The following IMMP2L variants were observed in gnomAD, a reference collection of about 807,000 sequenced individuals.
IMMP2L encodes mitochondrial inner membrane protease subunit 2.
A neutral mutation model predicts 19.3 loss-of-function variants in IMMP2L; 18 were observed. The ratio of observed to expected loss-of-function variants is 0.93; its 90% CI spans 0.64 to 1.38. The LOEUF is 1.38. Ranked by LOEUF, IMMP2L falls within the 40% of genes most tolerant of loss-of-function variation. The pLI, the probability that IMMP2L is intolerant of heterozygous loss-of-function variation, is 0.00. For missense variants in IMMP2L, 233 were observed against 218.2 expected, an observed-to-expected ratio of 1.07 and a Z score of -0.43; for synonymous variants, 76 against 73.0, an observed-to-expected ratio of 1.04 and a Z score of -0.21.
intron 3 of IMMP2L, among the ~76,000 whole-genome samples, chr7:111,260,665 C>A (rs1045502702): frequency 2.6e-5 from 4 of 152,038 alleles, no homozygotes; most frequent in Non-Finnish European, 5.9e-5. Flanking sequence ...TTTAATCATA[C>A]TGGGTTGTGG....
At chr7:110,958,129 G>C (rs1466669432) in intron 4 of IMMP2L, among the ~76,000 whole-genome samples, 1 of 151,932 alleles carries the variant, frequency 6.6e-6, no homozygotes, top group African/African-American at 2.4e-5. Context: ...GTTTTACCCT[G>C]TAAATCTAAA....
chr7:111,277,575 A>C (rs1819219784), intron 3 of IMMP2L, among the ~76,000 whole-genome samples: 2 of 152,112 alleles, frequency 1.3e-5, no homozygotes, highest in African/African-American at 4.8e-5. Context: ...TTAAAAAAAA[A>C]AAAAAAAAAG....
chr7:110,702,505 T>C (rs1794352811), intron 5 of IMMP2L, among the ~76,000 whole-genome samples: 1 of 152,184 alleles, frequency 6.6e-6, no homozygotes, highest in South Asian at 2.1e-4. Flanking sequence ...GTAAACCAAA[T>C]CATGGATAAC....
At chr7:111,496,905 G>C (rs1843645801) in intron 2 of IMMP2L, among the ~76,000 whole-genome samples, 1 of 151,872 alleles carries the variant, frequency 6.6e-6, no homozygotes, top group Non-Finnish European at 1.5e-5. Flanking sequence ...TACATAGATA[G>C]ATAGATAGAT....
rs1437188028 is a variant in IMMP2L at position 110,870,025 on chromosome 7, C to T, written c.408+16568G>A. ...GTCCCCAGATATTTCTACCATTCTA[C>T]CCCTCCTCCTAGTTTCAGCCAGCCT... On this transcript the variant is annotated intron_variant, in intron 5 of 5. Coordinates refer to ENST00000405709, the MANE Select transcript of IMMP2L (RefSeq NM_032549.4). The surrounding 1 kb of genome is among the most constrained non-coding windows in gnomAD (Gnocchi z 4.2). Among the ~76,000 whole-genome samples, 2 of 152,108 alleles carry T rather than the reference C, an allele frequency of 1.3e-5. No homozygotes were observed. Among genetic ancestry groups the T allele is most frequent in the African/African-American group, 4.8e-5 (2 of 41,446 alleles).
At chr7:111,107,453 T>C (rs577860794) in intron 3 of IMMP2L, among the ~76,000 whole-genome samples, 1 of 152,058 alleles carries the variant, frequency 6.6e-6, no homozygotes, top group South Asian at 2.1e-4. Context: ...AAATTCTGGA[T>C]AGTTCTTTGT....
intron 3 of IMMP2L, among the ~76,000 whole-genome samples, chr7:111,311,874 T>C (rs1441702170): frequency 1.3e-5 from 2 of 152,172 alleles, no homozygotes; most frequent in Non-Finnish European, 2.9e-5. Flanking sequence ...GTGATTACAC[T>C]GGGACACTCA....
intron 5 of IMMP2L, among the ~76,000 whole-genome samples, chr7:110,746,492 C>T (rs1450084011): frequency 2.0e-5 from 3 of 152,146 alleles, no homozygotes; most frequent in Non-Finnish European, 4.4e-5. Context: ...CTAAAATTTA[C>T]CGCATAATTG....
chr7:110,793,690 A>G (rs1376426044), intron 5 of IMMP2L, among the ~76,000 whole-genome samples: 1 of 152,104 alleles, frequency 6.6e-6, no homozygotes, highest in East Asian at 1.9e-4. Context: ...TTAATAATCC[A>G]GTGCTGTATA....
At chr7:111,243,166 G>A (rs531973372) in intron 3 of IMMP2L, among the ~76,000 whole-genome samples, 44 of 152,002 alleles carry the variant, frequency 2.9e-4, no homozygotes, top group Non-Finnish European at 5.6e-4. Context: ...ATGGCATGAC[G>A]TTGCCTTGCT....
intron 1 of IMMP2L, among the ~76,000 whole-genome samples, chr7:111,542,063 T>C (rs1848546446): frequency 1.3e-5 from 2 of 152,092 alleles, no homozygotes; most frequent in African/African-American, 4.8e-5. Flanking sequence ...TTCGTATATT[T>C]TGGATATTAA....
At chr7:111,428,669 C>G (rs550600847) in intron 3 of IMMP2L, among the ~76,000 whole-genome samples, 2 of 151,620 alleles carry the variant, frequency 1.3e-5, no homozygotes, top group Non-Finnish European at 2.9e-5. Context: ...TAGAGCAGTA[C>G]AAAAAGGTCA....
intron 3 of IMMP2L, among the ~76,000 whole-genome samples, chr7:111,133,874 T>C (rs576880183): frequency 6.6e-6 from 1 of 152,204 alleles, no homozygotes; most frequent in East Asian, 1.9e-4. Context: ...ACACCCTTTA[T>C]CTTCAGTTAT....
At chr7:111,538,657 T>TAACATAGCCAGTCATGGTGGC (rs1848118509) in intron 1 of IMMP2L, among the ~76,000 whole-genome samples, 1 of 123,966 alleles carries the variant, frequency 8.1e-6, no homozygotes, top group East Asian at 2.1e-4. Context: ...AAAAAAAAAT[T>TAACATAGCCAGTCATGGTGGC]AACATAGCCA....
chr7:111,004,375 G>A (rs1020833460), intron 3 of IMMP2L, among the ~76,000 whole-genome samples: 19 of 151,976 alleles, frequency 1.3e-4, no homozygotes, highest in African/African-American at 4.6e-4. Context: ...GTGTTTCCCA[G>A]GCTGGTCTGA....
At chr7:111,336,973 T>C (rs1826489464) in intron 3 of IMMP2L, among the ~76,000 whole-genome samples, 1 of 151,994 alleles carries the variant, frequency 6.6e-6, no homozygotes, top group African/African-American at 2.4e-5. Context: ...ATAAGCATCA[T>C]ATATATTTAA....
intron 3 of IMMP2L, among the ~76,000 whole-genome samples, chr7:111,461,190 T>C (rs1585197452): frequency 6.6e-6 from 1 of 152,084 alleles, no homozygotes. Context: ...TTCAAATTCT[T>C]TTCCTAAAAT....
At chr7:111,363,634 G>C (rs990438754) in intron 3 of IMMP2L, among the ~76,000 whole-genome samples, 1 of 151,888 alleles carries the variant, frequency 6.6e-6, no homozygotes. Flanking sequence ...GTCTGCCTAC[G>C]GTCTTTCCCC....
rs541213775 is a variant in IMMP2L at position 111,174,894 on chromosome 7, A to G, written c.240-211329T>C. 3.3e-5 allele frequency among the ~76,000 whole-genome samples: 5 copies of G among 151,938 alleles called. No individual in the cohort carries two copies. In the East Asian group the frequency reaches 9.7e-4, roughly 30 times the overall value. On this transcript the variant is annotated intron_variant, in intron 3 of 5. Coordinates refer to ENST00000405709, the MANE Select transcript of IMMP2L (RefSeq NM_032549.4). ...TCCTTTAAGTGGGCTAGATTTTCCA[A>G]TAAAGAATATAAAGCCAATAAATCA...
Sources: gnomAD v4.1 joint callset for allele counts (sites outside exome capture counted in the v4.1 genomes callset) on GRCh38, gnomAD v4.1.1 for gene constraint, Gnocchi (gnomAD v3.1) non-coding constraint, MANE v1.5 for transcripts, NCBI Gene and HGNC (gene_info 2026-07-23, HGNC 2026-07-21) for gene names.